The following MATN2 variants were observed in gnomAD, a reference collection of about 807,000 sequenced individuals.
MATN2 encodes the protein matrilin 2.
Under a neutral mutation model 103.2 loss-of-function variants are expected in MATN2, and 69 were observed. The ratio of observed to expected loss-of-function variants is 0.67; its 90% CI spans 0.55 to 0.82. The LOEUF (loss-of-function observed/expected upper bound fraction) is 0.82. Among genes scored for constraint, MATN2 ranks in the 40% least tolerant of loss-of-function variants. The pLI, the probability that MATN2 is intolerant of heterozygous loss-of-function variation, is 0.00. For missense variants in MATN2, 1,023 were observed against 1,211.5 expected, an observed-to-expected ratio of 0.84 and a Z score of 2.31; for synonymous variants, 429 against 450.2, an observed-to-expected ratio of 0.95 and a Z score of 0.60.
chr8:98,009,983 CG>C (rs968146280), intron 10 of MATN2, among the ~76,000 whole-genome samples: 2 of 152,162 alleles, frequency 1.3e-5, no homozygotes, highest in Non-Finnish European at 2.9e-5. Flanking sequence ...TTTTGCCCCA[CG>C]GCCCCTGGCA....
At chr8:97,941,266 A>G (rs1264843378) in intron 3 of MATN2, among the ~76,000 whole-genome samples, 1 of 151,780 alleles carries the variant, frequency 6.6e-6, no homozygotes, top group African/African-American at 2.4e-5. Context: ...GTGTGAGTGC[A>G]TTTTTTACTC....
At chr8:97,947,564 T>C (rs1810793716) in intron 4 of MATN2, among the ~76,000 whole-genome samples, 1 of 152,134 alleles carries the variant, frequency 6.6e-6, no homozygotes, top group Admixed American at 6.5e-5. Flanking sequence ...AAGATGTGTA[T>C]GATTTACACA....
intron 5 of MATN2, among the ~76,000 whole-genome samples, chr8:97,965,064 T>C (rs887788401): frequency 1.3e-5 from 2 of 152,154 alleles, no homozygotes; most frequent in Non-Finnish European, 2.9e-5. Flanking sequence ...TGGCCTCATT[T>C]CTTGATGGCA....
intron 4 of MATN2, among the ~76,000 whole-genome samples, chr8:97,943,420 CT>C (rs1810639767): frequency 6.6e-6 from 1 of 151,432 alleles, no homozygotes; most frequent in Non-Finnish European, 1.5e-5. Flanking sequence ...TCTCCTTCTC[CT>C]TCTCCTTCTC....
chr8:97,967,098 A>G (rs941654149), intron 5 of MATN2, among the ~76,000 whole-genome samples: 1 of 152,190 alleles, frequency 6.6e-6, no homozygotes, highest in Non-Finnish European at 1.5e-5. Context: ...CAAATCTCAC[A>G]TGAACTAACT....
intron 2 of MATN2, among the ~76,000 whole-genome samples, chr8:97,904,599 G>A (rs776659691): frequency 1.3e-5 from 2 of 152,096 alleles, no homozygotes; most frequent in African/African-American, 4.8e-5. Context: ...TGAAAAAGCC[G>A]TACAGTTTTT....
At chr8:97,912,674 G>C (rs1392361850) in intron 2 of MATN2, among the ~76,000 whole-genome samples, 1 of 152,178 alleles carries the variant, frequency 6.6e-6, no homozygotes, top group East Asian at 1.9e-4. Context: ...GGGCAGCTCT[G>C]CTTTCCCCAA....
intron 18 of MATN2, among the ~76,000 whole-genome samples, chr8:98,034,659 C>A (rs1402988267): frequency 6.6e-6 from 1 of 152,074 alleles, no homozygotes; most frequent in Non-Finnish European, 1.5e-5. Flanking sequence ...CTGTCCCACC[C>A]CAAAGTTCTA....
At chr8:97,914,107 A>T (rs1189101920) in intron 2 of MATN2, among the ~76,000 whole-genome samples, 1 of 152,170 alleles carries the variant, frequency 6.6e-6, no homozygotes, top group African/African-American at 2.4e-5. Context: ...TGGCCTTAAC[A>T]TTCTCTCTGG....
intron 5 of MATN2, among the ~76,000 whole-genome samples, chr8:97,962,678 C>CA (rs1355779536): frequency 6.6e-6 from 1 of 151,958 alleles, no homozygotes; most frequent in Admixed American, 6.6e-5. Flanking sequence ...CTACCACTAG[C>CA]AAAAAAGAAG....
At chr8:97,871,763 G>T (rs915278039) in intron 1 of MATN2, among the ~76,000 whole-genome samples, 102 of 152,300 alleles carry the variant, frequency 6.7e-4, no homozygotes, top group African/African-American at 2.4e-3. Flanking sequence ...CATGTGGCTC[G>T]GCAGACAGCC....
At chr8:97,983,535 C>A (rs1318607867) in intron 6 of MATN2, among the ~76,000 whole-genome samples, 1 of 152,180 alleles carries the variant, frequency 6.6e-6, no homozygotes, top group Non-Finnish European at 1.5e-5. Flanking sequence ...GTCTGCTGGA[C>A]AGGGATTCAT....
At chr8:98,027,001 C>A (rs1182134080) in intron 13 of MATN2, among the ~76,000 whole-genome samples, 2 of 152,088 alleles carry the variant, frequency 1.3e-5, no homozygotes, top group Non-Finnish European at 2.9e-5. Context: ...CTGAAGAAAT[C>A]TCTTTCTCCA....
intron 18 of MATN2, among the ~76,000 whole-genome samples, chr8:98,034,624 C>T (rs977404231): frequency 6.6e-6 from 1 of 152,162 alleles, no homozygotes; most frequent in African/African-American, 2.4e-5. Context: ...AATACCTATT[C>T]TAATGCCCTT....
intron 13 of MATN2, chr8:98,025,018 A>C (rs923362950): frequency 2.6e-5 from 4 of 152,192 alleles, no homozygotes; most frequent in African/African-American, 9.6e-5. Context: ...TGTAAGAAAA[A>C]TGTGTACAGA....
At chr8:98,032,352 G>A in intron 16 of MATN2, 35 bp downstream of exon 16, 1 of 1,530,596 alleles carries the variant, frequency 6.5e-7, no homozygotes. Flanking sequence ...TAGAAATTTT[G>A]GTGGAGGGAA....
intron 2 of MATN2, among the ~76,000 whole-genome samples, chr8:97,888,731 A>G (rs1344624563): frequency 6.6e-6 from 1 of 152,304 alleles, no homozygotes; most frequent in East Asian, 1.9e-4. Context: ...TTTTTCCTAG[A>G]AAAAGGAAAT....
chr8:97,969,147 G>A (rs1213196089), intron 5 of MATN2, among the ~76,000 whole-genome samples: 1 of 152,164 alleles, frequency 6.6e-6, no homozygotes, highest in East Asian at 1.9e-4. Flanking sequence ...AAACAACCAG[G>A]TCTCATGTGA....
At chr8:97,986,768 A>C (rs532443738) in intron 6 of MATN2, among the ~76,000 whole-genome samples, 12 of 152,284 alleles carry the variant, frequency 7.9e-5, no homozygotes, top group African/African-American at 2.9e-4. Flanking sequence ...TTTTTCATAT[A>C]ATGACTTAAT....
Sources: allele counts gnomAD v4.1 joint callset (sites outside exome capture counted in the v4.1 genomes callset), GRCh38; gene constraint gnomAD v4.1.1; transcripts MANE v1.5; gene names NCBI Gene and HGNC (gene_info 2026-07-23, HGNC 2026-07-21).